Variants in FAAH2 observed in about 807,000 individuals in gnomAD.
FAAH2 encodes the protein fatty-acid amide hydrolase 2.
In FAAH2, 60 loss-of-function variants were observed where a neutral mutation model predicts 36.9. The ratio of observed to expected loss-of-function variants is 1.63; its 90% confidence interval spans 1.32 to 2.02. The LOEUF (loss-of-function observed/expected upper bound fraction) is 2.02. Ranked by LOEUF, FAAH2 falls within the 30% of genes most tolerant of loss-of-function variation. FAAH2 has a pLI of 0.00. For synonymous variants in FAAH2, 214 were observed against 143.8 expected (o/e 1.49, Z -3.49); for missense variants, 689 against 397.5 (o/e 1.73, Z -6.23).
intron 3 of FAAH2, among the ~76,000 whole-genome samples, chrX:57,311,367 G>A (rs939128623): frequency 1.3e-4 from 15 of 112,330 alleles, no homozygotes; most frequent in Admixed American, 2.8e-4. Flanking sequence ...TGGCTCCTGC[G>A]AAAGGGGTCA....
At chrX:57,312,979 T>A (rs897600795) in intron 3 of FAAH2, among the ~76,000 whole-genome samples, 1 of 111,246 alleles carries the variant, frequency 9.0e-6, no homozygotes, top group African/African-American at 3.3e-5. Context: ...ATCCAAGGAA[T>A]GCAAAGCATC....
At chrX:57,149,660 T>C in the FAAH2 span, among the ~76,000 whole-genome samples, 2 of 111,440 alleles carry the variant, frequency 1.8e-5, no homozygotes, top group African/African-American at 6.5e-5. Flanking sequence ...TCTTCTTTAC[T>C]AGTCTTGCTA....
Position 57,331,778 on chromosome X carries a change from AT to A in FAAH2, c.596del (p.Leu199TyrfsTer5), listed in dbSNP as rs2053415307. 8.3e-7 allele frequency: 1 copy of A among 1,211,077 alleles called. No individual in the cohort carries two copies. The highest frequency in any genetic ancestry group is 1.1e-6 in the Non-Finnish European group (1 of 895,164). Reference protein sequence around the residue: ...KIYGRSNNPYDLQHIVGGSSG... With the variant: ...KIYGRSNNPYXLQHIVGGSSG... ...TATGGCCGATCAAACAACCCATATG[AT>A]TTACAGCATATTGTAGGTGGAAGTT... is the stretch of plus-strand genomic sequence containing the variant. On this transcript the variant is annotated frameshift_variant, in exon 4 of 11. Coordinates refer to ENST00000374900, the MANE Select transcript of FAAH2 (RefSeq NM_174912.4). LOFTEE classifies it high-confidence loss of function.
chrX:57,349,469 G>A, intron 5 of FAAH2, among the ~76,000 whole-genome samples: 6 of 85,944 alleles, frequency 7.0e-5, no homozygotes, highest in Admixed American at 1.4e-4. Flanking sequence ...ATACATACAT[G>A]CATATATACA....
chrX:57,351,518 A>C (rs1338771661), intron 5 of FAAH2, among the ~76,000 whole-genome samples: 1 of 110,923 alleles, frequency 9.0e-6, no homozygotes, highest in African/African-American at 3.3e-5. Flanking sequence ...GTTGAGGCTA[A>C]AAACATAATA....
chrX:57,340,766 G>A (rs983857653), intron 4 of FAAH2, among the ~76,000 whole-genome samples: 1 of 110,893 alleles, frequency 9.0e-6, no homozygotes, highest in Non-Finnish European at 1.9e-5. Context: ...TAGACACATG[G>A]TGGGGAACAA....
chrX:57,406,517 G>T (rs193111272), intron 7 of FAAH2, among the ~76,000 whole-genome samples: 128 of 111,948 alleles, frequency 1.1e-3, no homozygotes, highest in Non-Finnish European at 2.3e-3. Context: ...TTAGGGGAGG[G>T]GGCTGCACCA....
the FAAH2 span, among the ~76,000 whole-genome samples, chrX:57,257,018 G>A: frequency 8.9e-6 from 1 of 112,076 alleles, no homozygotes; most frequent in Non-Finnish European, 1.9e-5. Context: ...AGTTAGAATG[G>A]CAACCATTAA....
At chrX:57,418,629 C>CT (rs940563363) in intron 7 of FAAH2, among the ~76,000 whole-genome samples, 1 of 110,833 alleles carries the variant, frequency 9.0e-6, no homozygotes, top group Non-Finnish European at 1.9e-5. Flanking sequence ...CACCCACCTT[C>CT]TGCGTTGATC....
the FAAH2 span, among the ~76,000 whole-genome samples, chrX:57,248,326 A>G: frequency 8.9e-6 from 1 of 112,059 alleles, no homozygotes; most frequent in Non-Finnish European, 1.9e-5. Context: ...GAACCTATAG[A>G]GATACATACA....
chrX:57,242,727 C>A, the FAAH2 span, among the ~76,000 whole-genome samples: 1 of 112,120 alleles, frequency 8.9e-6, no homozygotes, highest in Non-Finnish European at 1.9e-5. Flanking sequence ...GCATTCCAAC[C>A]CACATACTAT....
chrX:57,332,885 A>G (rs1484244604), intron 4 of FAAH2, among the ~76,000 whole-genome samples: 1 of 111,813 alleles, frequency 8.9e-6, no homozygotes. Flanking sequence ...GTAAGGTTTT[A>G]CAAGAAACTA....
chrX:57,175,654 T>C, the FAAH2 span, among the ~76,000 whole-genome samples: 1 of 111,606 alleles, frequency 9.0e-6, no homozygotes, highest in East Asian at 2.8e-4. Context: ...GTGTTATTGT[T>C]TTATAGGCCC....
chrX:57,286,127 A>G (rs1395685663), upstream of FAAH2, among the ~76,000 whole-genome samples: 2 of 111,908 alleles, frequency 1.8e-5, no homozygotes. Flanking sequence ...GATCTGGAAG[A>G]CATTCACATG....
chrX:57,406,123 G>A (rs1285374610), intron 7 of FAAH2, among the ~76,000 whole-genome samples: 1 of 111,392 alleles, frequency 9.0e-6, no homozygotes, highest in African/African-American at 3.3e-5. Flanking sequence ...TTCCTCAGTG[G>A]TTTGACTGTA....
At chrX:57,189,422 T>C in the FAAH2 span, among the ~76,000 whole-genome samples, 20 of 110,047 alleles carry the variant, frequency 1.8e-4, no homozygotes, top group Middle Eastern at 4.7e-3. Flanking sequence ...TCCAGTTTTG[T>C]GCCCATGCTG....
intron 7 of FAAH2, among the ~76,000 whole-genome samples, chrX:57,424,804 A>G (rs929352490): frequency 2.7e-5 from 3 of 112,159 alleles, no homozygotes; most frequent in Admixed American, 1.9e-4. Flanking sequence ...GCAGTGTAAC[A>G]ATTCTGGAAA....
At chrX:57,255,051 A>G in the FAAH2 span, among the ~76,000 whole-genome samples, 7 of 111,490 alleles carry the variant, frequency 6.3e-5, no homozygotes, top group African/African-American at 2.3e-4. Context: ...AAAGAAGAAA[A>G]GAGGGAATAA....
At chrX:57,259,027 A>C in the FAAH2 span, among the ~76,000 whole-genome samples, 2 of 111,144 alleles carry the variant, frequency 1.8e-5, no homozygotes, top group African/African-American at 6.5e-5. Flanking sequence ...TCAATATAAA[A>C]TGCAAATCTA....
Sources: allele counts gnomAD v4.1 joint callset (sites outside exome capture counted in the v4.1 genomes callset), GRCh38; gene constraint gnomAD v4.1.1; transcripts MANE v1.5; gene names NCBI Gene and HGNC (gene_info 2026-07-23, HGNC 2026-07-21).